VWA3A: variants seen among roughly 807,000 people sequenced by gnomAD.
VWA3A encodes the protein von Willebrand factor A domain-containing protein 3A.
VWA3A carries 134 observed loss-of-function variants against 160.4 expected under a neutral mutation model. That is an observed-to-expected ratio of 0.84 (90% confidence interval 0.73 to 0.96). The LOEUF is 0.96. VWA3A is among the 40% of genes least tolerant of loss of function. The pLI is 0.00. For missense variants in VWA3A, 1,310 were observed against 1,447.9 expected, an observed-to-expected ratio of 0.90 and a Z score of 1.55; for synonymous variants, 476 against 543.4, an observed-to-expected ratio of 0.88 and a Z score of 1.72.
intron 20 of VWA3A, 35 bp from the exon 21 acceptor site, chr16:22,134,333 T>C (rs2046003505): frequency 1.3e-6 from 2 of 1,565,142 alleles, no homozygotes; most frequent in Non-Finnish European, 8.7e-7. Context: ...ATCCACACCC[T>C]GTCTCACCTT....
chr16:22,116,890 G>T, intron 10 of VWA3A, 23 bp downstream of exon 10: 1 of 1,603,478 alleles, frequency 6.2e-7, no homozygotes. Flanking sequence ...GATTCTCTGA[G>T]GTGCCCCTTG....
At chr16:22,126,318 G>T (rs1390939915) in intron 17 of VWA3A, 21 bp downstream of exon 17, 3 of 1,605,862 alleles carry the variant, frequency 1.9e-6, no homozygotes, top group Non-Finnish European at 2.6e-6. Context: ...CCTGGCTCCT[G>T]GGGGCAAGGG....
intron 3 of VWA3A, among the ~76,000 whole-genome samples, chr16:22,099,502 A>T (rs1248374149): frequency 6.6e-6 from 1 of 152,236 alleles, no homozygotes; most frequent in Non-Finnish European, 1.5e-5. Context: ...AGATGGGGTT[A>T]TCATAATGGA....
At chr16:22,096,721 G>C in intron 1 of VWA3A, 138 bp from the exon 2 acceptor site, 3 of 596,576 alleles carry the variant, frequency 5.0e-6, no homozygotes, top group Non-Finnish European at 8.9e-6. Flanking sequence ...CTCCAGCCTG[G>C]GCAACTAAGT....
chr16:22,116,935 G>A, intron 10 of VWA3A, 68 bp downstream of exon 10: 2 of 1,512,784 alleles, frequency 1.3e-6, no homozygotes, highest in Admixed American at 3.4e-5. Context: ...GGCCTTTGAG[G>A]CCTCATGCTT....
intron 27 of VWA3A, chr16:22,147,482 C>T (rs1166746050): frequency 3.0e-6 from 2 of 674,628 alleles, no homozygotes; most frequent in Non-Finnish European, 2.7e-6. Flanking sequence ...GTTTCTGGGG[C>T]ATCAGGAGGA....
At chr16:22,125,378 C>T (rs886848779) in intron 16 of VWA3A, among the ~76,000 whole-genome samples, 5 of 150,942 alleles carry the variant, frequency 3.3e-5, no homozygotes, top group Non-Finnish European at 7.4e-5. Context: ...AGAGAGAGAC[C>T]GTCTAAATAT....
intron 16 of VWA3A, among the ~76,000 whole-genome samples, chr16:22,124,186 C>CAA (rs11426931): frequency 0.12 from 5,181 of 44,040 alleles, 305 homozygotes; most frequent in East Asian, 0.2. Context: ...GTGTCTACCA[C>CAA]AAAAAAAAAA....
At chr16:22,120,849 T>C in intron 12 of VWA3A, 119 bp from the exon 13 acceptor site, 1 of 1,287,202 alleles carries the variant, frequency 7.8e-7, no homozygotes, top group East Asian at 2.5e-5. Flanking sequence ...AAACTGCCTT[T>C]AATCTACCAG....
chr16:22,119,541 T>C (rs552775816), intron 12 of VWA3A, among the ~76,000 whole-genome samples: 2 of 152,236 alleles, frequency 1.3e-5, no homozygotes, highest in South Asian at 2.1e-4. Flanking sequence ...CACGATGGCA[T>C]GTGCCTGTAG....
intron 31 of VWA3A, among the ~76,000 whole-genome samples, chr16:22,154,960 C>CAAAA (rs747770335): frequency 1.8e-5 from 1 of 54,448 alleles, no homozygotes; most frequent in Non-Finnish European, 3.8e-5. Context: ...GACTCCGTCT[C>CAAAA]AAAAAAAAAA....
chr16:22,110,991 C>T lies in VWA3A; in HGVS notation c.686C>T (p.Ser229Phe). The T allele has an allele frequency of 1.9e-6, 3 of 1,603,352 alleles. No individual in the cohort carries two copies. Among genetic ancestry groups the T allele is most frequent in the African/African-American group, 1.3e-5 (1 of 74,860 alleles). Residue 229 changes from serine to phenylalanine, a missense_variant, in exon 8 of 34, where the codon TCC (serine) becomes TTC (phenylalanine). By Grantham distance (155) the Ser-to-Phe change is radical (BLOSUM62 -2). Transcript: ENST00000389398. ...LWPDPMEVSA[S>F]TLQELKLWVK... ...CCAGACCCCATGGAAGTCAGCGCCT[C>T]CACGTGAGTGGCTTTCCTACCTGAC...
intron 23 of VWA3A, 99 bp downstream of exon 23, chr16:22,140,343 C>G: frequency 3.4e-6 from 4 of 1,164,932 alleles, no homozygotes; most frequent in Non-Finnish European, 4.9e-6. Flanking sequence ...TGTGGAAGCT[C>G]GTGCCTATAA....
chr16:22,108,043 T>G (rs1449543135), intron 6 of VWA3A, among the ~76,000 whole-genome samples: 2 of 152,148 alleles, frequency 1.3e-5, no homozygotes, highest in African/African-American at 2.4e-5. Flanking sequence ...TTCGGGAAAG[T>G]CAAGAATTTG....
At chr16:22,138,683 G>T in intron 22 of VWA3A, 171 bp downstream of exon 22, 1 of 869,294 alleles carries the variant, frequency 1.2e-6, no homozygotes, top group African/African-American at 1.7e-5. Context: ...TCTCCCGCGG[G>T]GGGCCGGCTC....
chr16:22,120,113 G>C (rs141410717), intron 12 of VWA3A, among the ~76,000 whole-genome samples: 1 of 152,180 alleles, frequency 6.6e-6, no homozygotes, highest in African/African-American at 2.4e-5. Flanking sequence ...AACACTCTGA[G>C]GTAAGTATGT....
At position 22,146,002 on chromosome 16, in the gene VWA3A, G is replaced by A. The variant is rs554106214; in HGVS notation, c.2731-234G>A. Among the ~76,000 whole-genome samples the A allele has an allele frequency of 2.5e-4, 38 of 152,112 alleles. 1 individual carries two copies. The highest frequency in any genetic ancestry group is 7.9e-4 in the Admixed American group (12 of 15,260). On this transcript the variant is annotated intron_variant, in intron 26 of 33. Transcript: ENST00000389398. ...CACACCAGCTAAATTTTCTGTTTTT[G>A]GTAGAGATGAGGTCTCCCTATGTTA...
intron 26 of VWA3A, among the ~76,000 whole-genome samples, chr16:22,145,782 A>C (rs978043493): frequency 3.3e-5 from 5 of 150,926 alleles, no homozygotes; most frequent in African/African-American, 4.9e-5. Context: ...CTTTAAACAA[A>C]AAAAAAAAAT....
chr16:22,135,071 T>C (rs2046015800), intron 21 of VWA3A, among the ~76,000 whole-genome samples: 1 of 152,176 alleles, frequency 6.6e-6, no homozygotes. Context: ...TTTTTTAAAA[T>C]AATTTTTTTA....
Sources: allele counts gnomAD v4.1 joint callset (sites outside exome capture counted in the v4.1 genomes callset), GRCh38; gene constraint gnomAD v4.1.1; transcripts MANE v1.5; gene names NCBI Gene and HGNC (gene_info 2026-07-23, HGNC 2026-07-21).